GNB1: variants seen among roughly 807,000 people sequenced by gnomAD.
The protein encoded by GNB1 is guanine nucleotide-binding protein G(I)/G(S)/G(T) subunit beta-1.
A neutral mutation model predicts 42.9 loss-of-function variants in GNB1; 2 were observed. The ratio of observed to expected loss-of-function variants is 0.05; its 90% confidence interval spans 0.02 to 0.15. The LOEUF (loss-of-function observed/expected upper bound fraction) is 0.15. Ranked by LOEUF, GNB1 falls within the 10% of genes least tolerant of loss-of-function variation. The pLI, the probability that GNB1 is intolerant of heterozygous loss-of-function variation, is 1.00. For missense variants in GNB1, 193 were observed against 462.2 expected, an observed-to-expected ratio of 0.42 and a Z score of 5.34; for synonymous variants, 183 against 174.7, an observed-to-expected ratio of 1.05 and a Z score of -0.38.
chr1:1,849,364 T>C (rs1413184205), intron 1 of GNB1, among the ~76,000 whole-genome samples: 1 of 152,156 alleles, frequency 6.6e-6, no homozygotes, highest in Non-Finnish European at 1.5e-5. Flanking sequence ...ACTTCCTCCA[T>C]CTCACAGGGC....
intron 3 of GNB1, chr1:1,818,382 T>C (rs1646885975): frequency 6.6e-6 from 1 of 150,606 alleles, no homozygotes; most frequent in African/African-American, 2.4e-5. Flanking sequence ...CAGACTGCAT[T>C]AACTAAGTAC....
chr1:1,805,394 G>A (rs529435780), intron 6 of GNB1, among the ~76,000 whole-genome samples: 2 of 151,842 alleles, frequency 1.3e-5, no homozygotes, highest in African/African-American at 4.8e-5. Flanking sequence ...CAGGGGGGTG[G>A]AGGCTGCAGT....
intron 1 of GNB1, among the ~76,000 whole-genome samples, chr1:1,863,399 C>T (rs144416794): frequency 6.6e-5 from 10 of 152,332 alleles, no homozygotes; most frequent in African/African-American, 2.2e-4. Context: ...AGAAACCTGA[C>T]CAATTCAGAA....
chr1:1,880,512 G>A (rs1424842821), intron 1 of GNB1, among the ~76,000 whole-genome samples: 1 of 151,980 alleles, frequency 6.6e-6, no homozygotes, highest in Non-Finnish European at 1.5e-5. Flanking sequence ...CGTGAACCCG[G>A]GAGGCGGAGC....
chr1:1,809,396 A>T (rs1646745610), intron 5 of GNB1, among the ~76,000 whole-genome samples: 1 of 152,086 alleles, frequency 6.6e-6, no homozygotes, highest in South Asian at 2.1e-4. Context: ...CGAACTCCTG[A>T]GCTCAATCTG....
intron 4 of GNB1, 25 bp from the exon 5 acceptor site, chr1:1,815,887 A>T (rs1368690996): frequency 1.5e-6 from 2 of 1,354,280 alleles, no homozygotes; most frequent in South Asian, 2.3e-5. Context: ...CATTTCTGTA[A>T]ATCAACATCT....
chr1:1,809,089 T>G (rs1646741218), intron 5 of GNB1, among the ~76,000 whole-genome samples: 2 of 152,178 alleles, frequency 1.3e-5, no homozygotes, highest in Admixed American at 1.3e-4. Context: ...TCAATGAGTT[T>G]AAGAACAAAT....
chr1:1,848,997 A>AAGAT (rs1241737009), intron 1 of GNB1, among the ~76,000 whole-genome samples: 10 of 152,346 alleles, frequency 6.6e-5, no homozygotes, highest in African/African-American at 2.2e-4. Flanking sequence ...GAGCTGACTC[A>AAGAT]AGATAGAGGC....
chr1:1,869,336 A>C (rs1385512159), intron 1 of GNB1, among the ~76,000 whole-genome samples: 2 of 152,146 alleles, frequency 1.3e-5, no homozygotes, highest in African/African-American at 4.8e-5. Context: ...CTTCTATAAG[A>C]ATCCAAAAAA....
intron 1 of GNB1, among the ~76,000 whole-genome samples, chr1:1,854,915 C>T (rs1648186701): frequency 6.6e-6 from 1 of 152,074 alleles, no homozygotes; most frequent in African/African-American, 2.4e-5. Flanking sequence ...AATCCCAGCA[C>T]TTTGGGAGTC....
intron 1 of GNB1, among the ~76,000 whole-genome samples, chr1:1,842,126 G>A (rs1430768819): frequency 4.0e-5 from 6 of 151,722 alleles, no homozygotes; most frequent in African/African-American, 1.5e-4. Context: ...TGGCCACCTC[G>A]TCTCTATTAA....
chr1:1,792,348 A>AAC (rs1411980349), intron 8 of GNB1, among the ~76,000 whole-genome samples: 1 of 152,050 alleles, frequency 6.6e-6, no homozygotes, highest in Non-Finnish European at 1.5e-5. Context: ...AGGAGGTACA[A>AAC]ATATATAGAG....
At chr1:1,871,038 C>A (rs533811543) in intron 1 of GNB1, among the ~76,000 whole-genome samples, 1 of 151,526 alleles carries the variant, frequency 6.6e-6, no homozygotes, top group Non-Finnish European at 1.5e-5. Context: ...TTCTTTAAGT[C>A]GTATCTACAC....
chr1:1,837,099 G>A (rs1007341244), intron 2 of GNB1, among the ~76,000 whole-genome samples: 1 of 151,978 alleles, frequency 6.6e-6, no homozygotes, highest in Non-Finnish European at 1.5e-5. Context: ...TTTTTCTAAG[G>A]AGCAGAAGTT....
chr1:1,822,297 T>C (rs1414371240), intron 3 of GNB1, among the ~76,000 whole-genome samples: 1 of 132,944 alleles, frequency 7.5e-6, no homozygotes, highest in African/African-American at 2.6e-5. Flanking sequence ...GTCTCTCTTT[T>C]TACTTTTTTT....
intron 8 of GNB1, among the ~76,000 whole-genome samples, chr1:1,792,970 G>C (rs1646501657): frequency 6.6e-6 from 1 of 151,758 alleles, no homozygotes; most frequent in African/African-American, 2.4e-5. Flanking sequence ...GGAGGATGAG[G>C]CAGGAGAATC....
chr1:1,801,460 A>G (rs1263365532), intron 7 of GNB1, among the ~76,000 whole-genome samples: 1 of 152,210 alleles, frequency 6.6e-6, no homozygotes, highest in Non-Finnish European at 1.5e-5. Flanking sequence ...AAACCACAAG[A>G]GTGAGCAAGG....
intron 3 of GNB1, among the ~76,000 whole-genome samples, chr1:1,823,177 G>A (rs1646955094): frequency 6.7e-6 from 1 of 149,356 alleles, no homozygotes; most frequent in Non-Finnish European, 1.5e-5. Context: ...AGGAGGAGGA[G>A]CTTGCAGTGA....
In GNB1 at chr1:1,815,061, G is replaced by A. The variant is rs138299241; in HGVS notation, c.203+695C>T. On this transcript the variant is annotated intron_variant, in intron 5 of 11. Coordinates refer to ENST00000378609, the MANE Select transcript of GNB1 (RefSeq NM_002074.5). ...CGGGAGGCGGAGCTTGCAGTGAGCC[G>A]AGATTGCCCCACCGCACTCCAGGCT... Among the ~76,000 whole-genome samples, 672 of 150,138 alleles carry A rather than the reference G, an allele frequency of 4.5e-3. 7 individuals are homozygous for A. Among genetic ancestry groups the A allele is most frequent in the African/African-American group, 0.015 (633 of 40,854 alleles).
Sources: allele counts gnomAD v4.1 joint callset (sites outside exome capture counted in the v4.1 genomes callset), GRCh38; gene constraint gnomAD v4.1.1; transcripts MANE v1.5; gene names NCBI Gene and HGNC (gene_info 2026-07-23, HGNC 2026-07-21).